ERP27: variants seen among roughly 807,000 people sequenced by gnomAD.
The protein encoded by ERP27 is endoplasmic reticulum protein 27.
In ERP27, 23 loss-of-function variants were observed where a neutral mutation model predicts 27.7. The observed-to-expected ratio is 0.83, with a 90% CI of 0.60 to 1.18. The LOEUF is 1.18. Among genes scored for constraint, ERP27 ranks in the 50% most tolerant of loss-of-function variants. The pLI, the probability that ERP27 is intolerant of heterozygous loss-of-function variation, is 0.00. For synonymous variants in ERP27, 159 were observed against 118.3 expected (o/e 1.34, Z -2.23); for missense variants, 363 against 327.9 (o/e 1.11, Z -0.83).
chr12:14,924,184 G>A (rs1253399856), intron 3 of ERP27, among the ~76,000 whole-genome samples: 1 of 152,136 alleles, frequency 6.6e-6, no homozygotes, highest in Non-Finnish European at 1.5e-5. Flanking sequence ...GGGTCTATCT[G>A]TGCTCCTACA....
At chr12:14,935,716 G>A (rs1249935894) in intron 2 of ERP27, among the ~76,000 whole-genome samples, 1 of 152,072 alleles carries the variant, frequency 6.6e-6, no homozygotes, top group Non-Finnish European at 1.5e-5. Context: ...AATTGGTAGT[G>A]GCTTAAGATG....
intron 2 of ERP27, 89 bp from the exon 3 acceptor site, chr12:14,935,082 C>G: frequency 1.3e-6 from 2 of 1,518,276 alleles, no homozygotes; most frequent in Non-Finnish European, 1.8e-6. Context: ...ATGATGTTTA[C>G]CAGAAATCAT....
chr12:14,932,883 G>T (rs1863716952), intron 3 of ERP27, among the ~76,000 whole-genome samples: 1 of 152,184 alleles, frequency 6.6e-6, no homozygotes, highest in Non-Finnish European at 1.5e-5. Context: ...TTAGATGGAG[G>T]AATATGATTA....
intron 3 of ERP27, chr12:14,929,180 T>G (rs1429345598): frequency 1.5e-6 from 2 of 1,336,802 alleles, no homozygotes; most frequent in Non-Finnish European, 1.9e-6. Context: ...CCTTCATACT[T>G]CCCAGAACAG....
At chr12:14,915,949 C>T in intron 5 of ERP27, 1 of 295,054 alleles carries the variant, frequency 3.4e-6, no homozygotes, top group Non-Finnish European at 6.4e-6. Flanking sequence ...GTTCCCACTT[C>T]TAAGTGGGAG....
At chr12:14,915,835 G>A (rs1863402594) in intron 5 of ERP27, 149 bp from the exon 6 acceptor site, 1 of 733,656 alleles carries the variant, frequency 1.4e-6, no homozygotes. Flanking sequence ...AATTATTGCA[G>A]CTGTAACAAA....
At chr12:14,938,103 T>G in intron 1 of ERP27, 51 bp from the exon 2 acceptor site, 1 of 1,455,336 alleles carries the variant, frequency 6.9e-7, no homozygotes, top group South Asian at 1.1e-5. Context: ...AAGAAGCAGC[T>G]CTAAATAATG....
At chr12:14,919,768 C>T (rs187484224) in intron 4 of ERP27, among the ~76,000 whole-genome samples, 3 of 152,210 alleles carry the variant, frequency 2.0e-5, no homozygotes, top group Non-Finnish European at 4.4e-5. Flanking sequence ...ATTTTCTGAA[C>T]TCCCATTTAC....
At chr12:14,932,907 A>G (rs983723531) in intron 3 of ERP27, among the ~76,000 whole-genome samples, 2 of 152,250 alleles carry the variant, frequency 1.3e-5, no homozygotes, top group African/African-American at 4.8e-5. Context: ...GGTGCAGACA[A>G]TAAATTCAGT....
chr12:14,920,912 G>A lies in ERP27; in HGVS notation c.450+20C>T, dbSNP rs1224373135. ...CCGACTCAGGGTCTGAAGGGACTAAGAACAGGAAGTATTGTTTACCACAGG... is the reference window on the plus strand; with the variant it reads ...CCGACTCAGGGTCTGAAGGGACTAAAAACAGGAAGTATTGTTTACCACAGG... On this transcript the variant is annotated intron_variant, in intron 4 of 6. Transcript: ENST00000266397. 1 of 1,594,702 alleles carries A rather than the reference G, an allele frequency of 6.3e-7. No individual in the cohort carries two copies. The highest frequency in any genetic ancestry group is 8.6e-7 in the Non-Finnish European group (1 of 1,162,408).
At chr12:14,935,234 C>A (rs1287878972) in intron 2 of ERP27, 30 of 825,854 alleles carry the variant, frequency 3.6e-5, no homozygotes, top group Non-Finnish European at 4.1e-5. Flanking sequence ...TCCTGTCAGG[C>A]CTTGTCATAG....
chr12:14,925,459 C>G (rs1863585824), intron 3 of ERP27, among the ~76,000 whole-genome samples: 1 of 152,108 alleles, frequency 6.6e-6, no homozygotes, highest in South Asian at 2.1e-4. Flanking sequence ...TCTAAATGCA[C>G]TCATAAATTT....
At chr12:14,923,357 T>C (rs2120573490) in intron 3 of ERP27, among the ~76,000 whole-genome samples, 1 of 151,864 alleles carries the variant, frequency 6.6e-6, no homozygotes, top group African/African-American at 2.4e-5. Context: ...TATGAGCCAT[T>C]ATCTTATTAA....
chr12:14,935,728 A>G (rs968380351), intron 2 of ERP27, among the ~76,000 whole-genome samples: 1 of 152,100 alleles, frequency 6.6e-6, no homozygotes, highest in Non-Finnish European at 1.5e-5. Flanking sequence ...CTTAAGATGT[A>G]CTTTGTTTAT....
At chr12:14,929,122 G>A (rs921083994) in intron 3 of ERP27, 29 of 1,473,414 alleles carry the variant, frequency 2.0e-5, no homozygotes, top group Non-Finnish European at 2.5e-5. Flanking sequence ...TCACATCGCT[G>A]TGCATGGATC....
At chr12:14,923,462 T>C (rs1011167553) in intron 3 of ERP27, among the ~76,000 whole-genome samples, 2 of 150,930 alleles carry the variant, frequency 1.3e-5, no homozygotes, top group Non-Finnish European at 3.0e-5. Context: ...AATGTAATTT[T>C]TACTATATAA....
At chr12:14,923,058 A>G (rs1413401396) in intron 3 of ERP27, among the ~76,000 whole-genome samples, 50 of 138,192 alleles carry the variant, frequency 3.6e-4, no homozygotes, top group African/African-American at 1.4e-3. Flanking sequence ...TGGGTGGCAG[A>G]GTGGAACTCT....
intron 5 of ERP27, 135 bp from the exon 6 acceptor site, chr12:14,915,821 A>G (rs1005286112): frequency 1.9e-5 from 15 of 794,774 alleles, no homozygotes; most frequent in Admixed American, 8.8e-5. Flanking sequence ...CTTGAGTTAA[A>G]ATAAATTATT....
intron 5 of ERP27, among the ~76,000 whole-genome samples, chr12:14,916,691 T>C (rs893509427): frequency 1.4e-4 from 21 of 152,160 alleles, no homozygotes; most frequent in Non-Finnish European, 2.4e-4. Context: ...TTAGGCACAG[T>C]AGCCTTGAAG....
Sources: gnomAD v4.1 joint callset for allele counts (sites outside exome capture counted in the v4.1 genomes callset) on GRCh38, gnomAD v4.1.1 for gene constraint, MANE v1.5 for transcripts, NCBI Gene and HGNC (gene_info 2026-07-23, HGNC 2026-07-21) for gene names.